The following ACSM3 variants were observed in gnomAD, a reference collection of about 807,000 sequenced individuals.
ACSM3 encodes the protein acyl-coenzyme A synthetase ACSM3, mitochondrial.
Under a neutral mutation model 74.1 loss-of-function variants are expected in ACSM3, and 61 were observed. The observed-to-expected ratio is 0.82, with a 90% CI of 0.67 to 1.02. ACSM3 has a LOEUF of 1.02. Among genes scored for constraint, ACSM3 ranks in the 50% least tolerant of loss-of-function variants. The probability of loss-of-function intolerance (pLI) is 0.00; values close to 1 mark genes in which losing one functional copy is unlikely to be tolerated. For missense variants in ACSM3, 660 were observed against 697.0 expected, an observed-to-expected ratio of 0.95 and a Z score of 0.60; for synonymous variants, 213 against 241.5, an observed-to-expected ratio of 0.88 and a Z score of 1.09.
rs1055564403 is a variant in ACSM3 at position 20,680,225 on chromosome 16, G to C, written c.-190+5403G>C. 5 of 152,164 alleles carry C rather than the reference G, an allele frequency of 3.3e-5. 1 individual carries two copies. The highest frequency in any genetic ancestry group is 2.9e-5 in the Non-Finnish European group (2 of 68,032). 9.4% of individuals were successfully genotyped at this position (152,164 alleles called of 1,614,324 possible). ...GCCAGAGATACCTTTCTGGTCTACA[G>C]GACAGACAGCACTATAACGACTTGA... On this transcript the variant is annotated intron_variant, in intron 1 of 3. Coordinates refer to the ACSM3 transcript ENST00000561584.
chr16:20,740,770 C>T (rs1373461353), intron 1 of ACSM3, among the ~76,000 whole-genome samples: 1 of 152,148 alleles, frequency 6.6e-6, no homozygotes, highest in African/African-American at 2.4e-5. Context: ...AACACTAAGA[C>T]TTTAGGTGAT....
At chr16:20,692,747 G>A (rs917642969) in intron 1 of ACSM3, among the ~76,000 whole-genome samples, 3 of 152,148 alleles carry the variant, frequency 2.0e-5, no homozygotes, top group Non-Finnish European at 4.4e-5. Context: ...TTTTCTTCTT[G>A]TTATGCCAGA....
chr16:20,770,530 T>TA lies in ACSM3; in HGVS notation c.219+289dup, dbSNP rs60395380. On this transcript the variant is annotated intron_variant, in intron 2 of 13. Transcript: ENST00000289416. Reference sequence around the variant, plus strand: ...ATAAATGTAGAATTCTAGGTTGACTTAAAAAAAAAAAAGGAGAAGAGTGAA... The same window carrying TA: ...ATAAATGTAGAATTCTAGGTTGACTTAAAAAAAAAAAAAGGAGAAGAGTGAA... Among the ~76,000 whole-genome samples, 66 of 143,214 alleles carry TA rather than the reference T, an allele frequency of 4.6e-4. 1 individual carries two copies. Among genetic ancestry groups the TA allele is most frequent in the Admixed American group, 4.2e-4 (6 of 14,350 alleles). The allele number at this position is 143,214 out of a possible 152,430, so 94.0% of individuals were successfully genotyped here.
intron 4 of ACSM3, chr16:20,779,885 C>T (rs764088294): frequency 5.1e-6 from 1 of 196,198 alleles, no homozygotes; most frequent in South Asian, 6.4e-5. Context: ...GATTCTCAGC[C>T]TCCTGAGTAG....
intron 1 of ACSM3, among the ~76,000 whole-genome samples, chr16:20,699,471 C>A (rs2070149825): frequency 6.6e-6 from 1 of 152,150 alleles, no homozygotes; most frequent in African/African-American, 2.4e-5. Flanking sequence ...ATTTAGCTTT[C>A]TGTGGCCAGT....
At chr16:20,711,345 G>A in intron 1 of ACSM3, 1 of 396,110 alleles carries the variant, frequency 2.5e-6, no homozygotes, top group South Asian at 2.2e-5. Context: ...TATCATTGGA[G>A]AATCAAGGCA....
Position 20,742,059 on chromosome 16 carries a change from T to A in ACSM3, c.-189-7851T>A, listed in dbSNP as rs1054975056. On this transcript the variant is annotated intron_variant, in intron 1 of 3. Coordinates refer to the ACSM3 transcript ENST00000561584. ...AGCTGGCTCCAGCCATATAGCTTCT[T>A]CCACCCAACCTTGGTACCTGTTCCT... 12 of 1,369,444 alleles carry A rather than the reference T, an allele frequency of 8.8e-6. No homozygotes were observed. In the African/African-American group the frequency reaches 1.7e-4, roughly 20 times the overall value. 84.8% of individuals were successfully genotyped at this position (1,369,444 alleles called of 1,614,324 possible). A position where few individuals can be genotyped will look rare whatever the true frequency, so the allele number is the denominator to read the frequency against.
chr16:20,785,248 AGAACC>A, intron 8 of ACSM3, 141 bp downstream of exon 8: 1 of 1,200,356 alleles, frequency 8.3e-7, no homozygotes, highest in Non-Finnish European at 1.2e-6. Context: ...AATGCTTGCA[AGAACC>A]TAATTGCAAA....
chr16:20,737,383 C>A, intron 1 of ACSM3: 1 of 1,257,636 alleles, frequency 8.0e-7, no homozygotes, highest in Non-Finnish European at 1.1e-6. Context: ...TAAAACAAGA[C>A]ATACAGTAAT....
At chr16:20,777,018 G>GT (rs999085057) in intron 3 of ACSM3, among the ~76,000 whole-genome samples, 1 of 152,208 alleles carries the variant, frequency 6.6e-6, no homozygotes, top group South Asian at 2.1e-4. Context: ...ATGTTTTGGG[G>GT]TTTTTTTGGT....
chr16:20,732,172 G>C (rs1195014010), intron 1 of ACSM3, among the ~76,000 whole-genome samples: 1 of 152,162 alleles, frequency 6.6e-6, no homozygotes, highest in East Asian at 1.9e-4. Context: ...AATCTTTCCT[G>C]AAACTTTCAT....
intron 8 of ACSM3, 139 bp downstream of exon 8, chr16:20,785,246 C>A: frequency 8.2e-7 from 1 of 1,214,730 alleles, no homozygotes; most frequent in Non-Finnish European, 1.1e-6. Flanking sequence ...ACAATGCTTG[C>A]AAGAACCTAA....
rs377673707 is a variant in ACSM3, at chr16:20,696,529, G to C, written c.-190+21707G>C. Among the ~76,000 whole-genome samples, 21 of 152,330 alleles carry C rather than the reference G, an allele frequency of 1.4e-4. No homozygotes were observed. In the South Asian group the frequency reaches 4.1e-3, roughly 30 times the overall value. ...GAAAAATGTATTTTTTCTTTCTCAAGTATTTACTATAGATGTACCATGTAC... is the reference window on the plus strand; with the variant it reads ...GAAAAATGTATTTTTTCTTTCTCAACTATTTACTATAGATGTACCATGTAC... On this transcript the variant is annotated intron_variant, in intron 1 of 3. Transcript: ENST00000561584.
intron 1 of ACSM3, among the ~76,000 whole-genome samples, chr16:20,687,763 C>T (rs924576262): frequency 6.6e-6 from 1 of 151,820 alleles, no homozygotes; most frequent in Non-Finnish European, 1.5e-5. Context: ...AATAACAATA[C>T]CAACAAAAAG....
intron 8 of ACSM3, among the ~76,000 whole-genome samples, 177 bp from the exon 9 acceptor site, chr16:20,785,900 AT>A (rs1395284915): frequency 2.0e-5 from 3 of 152,214 alleles, no homozygotes; most frequent in African/African-American, 7.2e-5. Flanking sequence ...TTATAACTAT[AT>A]TTTATACATA....
upstream of ACSM3, among the ~76,000 whole-genome samples, chr16:20,760,400 C>A (rs549647922): frequency 6.6e-6 from 1 of 152,202 alleles, no homozygotes; most frequent in South Asian, 2.1e-4. Context: ...AAAGTCTGAG[C>A]CCCAAACTAA....
At chr16:20,788,209 C>T (rs2080516790) in intron 9 of ACSM3, among the ~76,000 whole-genome samples, 1 of 152,088 alleles carries the variant, frequency 6.6e-6, no homozygotes, top group Non-Finnish European at 1.5e-5. Flanking sequence ...TAACAGGCTA[C>T]CTTAGGTTGA....
At chr16:20,691,114 T>A (rs2079645907) in intron 1 of ACSM3, 1 of 1,613,664 alleles carries the variant, frequency 6.2e-7, no homozygotes. Flanking sequence ...AGCGCAGCTG[T>A]GAAGGGGCAG....
chr16:20,721,152 G>A (rs562690821), intron 1 of ACSM3: 6 of 152,278 alleles, frequency 3.9e-5, no homozygotes, highest in South Asian at 2.1e-4. Context: ...CTGTAAGTGC[G>A]AGATTGCCGA....
Sources: allele counts gnomAD v4.1 joint callset (sites outside exome capture counted in the v4.1 genomes callset), GRCh38; gene constraint gnomAD v4.1.1; transcripts MANE v1.5; gene names NCBI Gene and HGNC (gene_info 2026-07-23, HGNC 2026-07-21).